Variants in MYT1 observed in about 807,000 individuals in gnomAD.
MYT1 encodes the protein myelin transcription factor 1.
In MYT1, 23 loss-of-function variants were observed where a neutral mutation model predicts 123.0. The observed-to-expected ratio is 0.19, with a 90% CI of 0.13 to 0.26. MYT1 has a LOEUF of 0.26. Among genes scored for constraint, MYT1 ranks in the 10% least tolerant of loss-of-function variants. The pLI is 1.00. For synonymous variants in MYT1, 518 were observed against 575.3 expected, an observed-to-expected ratio of 0.90 and a Z score of 1.43; for missense variants, 1,125 against 1,472.5, an observed-to-expected ratio of 0.76 and a Z score of 3.86.
At position 64,240,500 on chromosome 20, in the gene MYT1, G is replaced by T; in HGVS notation, c.*52G>T. 6.3e-7 allele frequency: 1 copy of T among 1,579,522 alleles called. No individual in the cohort carries two copies. Among genetic ancestry groups the T allele is most frequent in the East Asian group, 2.3e-5 (1 of 44,330 alleles). On this transcript the variant is annotated 3_prime_UTR_variant, in exon 23 of 23. Transcript: ENST00000328439. Reference sequence around the variant, plus strand: ...GCCCACCACACCGTTTACCTCCCTCGCCCTGCCCCGCACCGTGGGGATGCC... The same window carrying T: ...GCCCACCACACCGTTTACCTCCCTCTCCCTGCCCCGCACCGTGGGGATGCC...
chr20:64,201,951 CGTGT>C (rs1568708114), intron 4 of MYT1, among the ~76,000 whole-genome samples: 7 of 113,956 alleles, frequency 6.1e-5, no homozygotes, highest in African/African-American at 2.5e-4. Flanking sequence ...GGAACCTCTG[CGTGT>C]CGGGAACCCC....
At position 64,186,816 on chromosome 20, in the gene MYT1, C is replaced by G. The variant is rs1342312107; in HGVS notation, c.-98-3247C>G. On this transcript the variant is annotated intron_variant, in intron 1 of 22. Transcript: ENST00000328439. This position sits in a 1 kb window ranked among gnomAD's most constrained non-coding sequence, Gnocchi z 4.3. ...TGGAGACTTTTCCTGTAGCCTGTGG[C>G]CCCGGCATCCACGTTTCCGTGGAGA... Among the ~76,000 whole-genome samples, 4 of 151,100 alleles carry G rather than the reference C, an allele frequency of 2.6e-5. No homozygotes were observed. The South Asian group carries it at 6.3e-4, about 24-fold the overall frequency.
chr20:64,227,975 C>A lies in MYT1; in HGVS notation c.2675+4C>A, dbSNP rs780792496. 1 of 1,613,736 alleles carries A rather than the reference C, an allele frequency of 6.2e-7. No homozygotes were observed. Among genetic ancestry groups the A allele is most frequent in the African/African-American group, 1.3e-5 (1 of 75,048 alleles). ...AGGAGGACCCCGAGCTGATGAAGTA[C>A]GTTGGGCCATGCTGGCTCTTTCATT... On this transcript the variant is annotated splice_donor_region_variant and intron_variant, in intron 18 of 22. Transcript: ENST00000328439.
chr20:64,198,282 G>T (rs1398812321), intron 2 of MYT1, among the ~76,000 whole-genome samples: 1 of 90,618 alleles, frequency 1.1e-5, no homozygotes, highest in Non-Finnish European at 1.9e-5. Context: ...GCGAGACTCC[G>T]TCTCAAAAAA....
intron 18 of MYT1, among the ~76,000 whole-genome samples, chr20:64,229,220 C>T (rs1210817938): frequency 6.6e-6 from 1 of 152,184 alleles, no homozygotes; most frequent in Non-Finnish European, 1.5e-5. Flanking sequence ...GAAGGTCGCA[C>T]ACTAAATGCT....
intron 4 of MYT1, among the ~76,000 whole-genome samples, chr20:64,201,883 C>A (rs1983314501): frequency 6.9e-6 from 1 of 144,570 alleles, no homozygotes; most frequent in Non-Finnish European, 1.5e-5. Flanking sequence ...CACAGAGTCA[C>A]CTGTCGGGAA....
Position 64,236,655 on chromosome 20 carries a change from G to GGCTT in MYT1, c.2989+10_2989+13dup. 2 of 1,611,824 alleles carry GGCTT rather than the reference G, an allele frequency of 1.2e-6. No homozygotes were observed. Among genetic ancestry groups the GGCTT allele is most frequent in the Non-Finnish European group, 1.7e-6 (2 of 1,178,122 alleles). On this transcript the variant is annotated intron_variant, in intron 20 of 22. Coordinates refer to ENST00000328439, the MANE Select transcript of MYT1 (RefSeq NM_004535.3). The stretch of plus-strand genomic sequence containing the variant: ...GTTCAAGACTAGCGACGGTAAGGAT[G>GGCTT]GCTTCCTGGATTTCCCTGCTCATGG...
Position 64,227,474 on chromosome 20 carries a change from G to C in MYT1, c.2588G>C (p.Arg863Pro). 6.2e-7 allele frequency: 1 copy of C among 1,611,940 alleles called. No homozygotes were observed. Among genetic ancestry groups the C allele is most frequent in the Non-Finnish European group, 8.5e-7 (1 of 1,179,366 alleles). ...ATCACAGGGAACTACGCTTCACACCGGAGGTGAGCCTGCCACACCCTCAGG... is the reference window on the plus strand; with the variant it reads ...ATCACAGGGAACTACGCTTCACACCCGAGGTGAGCCTGCCACACCCTCAGG... Reference protein sequence around the residue: ...GHITGNYASHRSLSGCPRAKK... With the variant: ...GHITGNYASHPSLSGCPRAKK... Residue 863 changes from arginine to proline, a missense_variant, in exon 17 of 23, where the codon CGG (arginine) becomes CCG (proline). Transcript: ENST00000328439.
chr20:64,172,863 C>T (rs938547797), intron 1 of MYT1, among the ~76,000 whole-genome samples: 3 of 150,712 alleles, frequency 2.0e-5, no homozygotes, highest in African/African-American at 2.4e-5. Flanking sequence ...TCTCCTGCCT[C>T]GGCCTCCTGC....
At chr20:64,209,554 C>T (rs994723899) in intron 7 of MYT1, among the ~76,000 whole-genome samples, 2 of 152,122 alleles carry the variant, frequency 1.3e-5, no homozygotes, top group Non-Finnish European at 1.5e-5. Flanking sequence ...CAATGAGTGC[C>T]CCCAGGAAGA....
Position 64,205,703 on chromosome 20 carries a change from G to A in MYT1, c.300G>A (p.Lys100=), listed in dbSNP as rs2145715015. ...ACGGCAGTGAGGACACTGAGGTGAA[G>A]GACGCCTCTGTTTCGGATGAATCGG... ...DSDGSEDTEV[K]DASVSDESEG... is the part of the protein sequence containing the mutation. The change falls in exon 6 of 23, where the codon AAG becomes AAA. Residue 100 remains lysine (K), a synonymous_variant. Coordinates refer to ENST00000328439, the MANE Select transcript of MYT1 (RefSeq NM_004535.3). 1.9e-6 allele frequency: 3 copies of A among 1,614,214 alleles called. No homozygotes were observed. The highest frequency in any genetic ancestry group is 2.5e-6 in the Non-Finnish European group (3 of 1,180,022).
chr20:64,184,666 AAAC>A (rs1193076018), intron 1 of MYT1, among the ~76,000 whole-genome samples: 2 of 152,264 alleles, frequency 1.3e-5, no homozygotes, highest in African/African-American at 4.8e-5. Flanking sequence ...AAACAGAACA[AAAC>A]AACACAGCCA....
At chr20:64,179,989 TACAC>T (rs972756426) in intron 1 of MYT1, among the ~76,000 whole-genome samples, 27 of 147,790 alleles carry the variant, frequency 1.8e-4, no homozygotes, top group African/African-American at 6.3e-4. Flanking sequence ...TACACACAGT[TACAC>T]ACATACGCCA....
rs146131336 is a variant in MYT1 at position 64,227,605 on chromosome 20, G to A, written c.2591+128G>A. 2.0e-5 allele frequency: 19 copies of A among 935,548 alleles called. No homozygotes were observed. In the African/African-American group the frequency reaches 3.0e-4, roughly 15 times the overall value. 58.0% of individuals were successfully genotyped at this position (935,548 alleles called of 1,614,324 possible). A position where few individuals can be genotyped will look rare whatever the true frequency, so the allele number is the denominator to read the frequency against. The stretch of plus-strand genomic sequence containing the variant: ...CATTCCCATCTCTTTAATCTGAATT[G>A]TTGCCATTTCCAGAACCTGATTAAG... On this transcript the variant is annotated intron_variant, in intron 17 of 22. Coordinates refer to ENST00000328439, the MANE Select transcript of MYT1 (RefSeq NM_004535.3).
Position 64,202,083 on chromosome 20 carries a change from T to C in MYT1, c.86+2161T>C, listed in dbSNP as rs1722455153. ...TCGGGAACCCCTGTGTGCAGGACTT[T>C]CTCTGTGGATGACTTAACACTGCAT... On this transcript the variant is annotated intron_variant, in intron 4 of 22. Coordinates refer to ENST00000328439, the MANE Select transcript of MYT1 (RefSeq NM_004535.3). This position sits in a 1 kb window ranked among gnomAD's most constrained non-coding sequence, Gnocchi z 5.0. Among the ~76,000 whole-genome samples the C allele has an allele frequency of 1.5e-5, 2 of 136,030 alleles. No individual in the cohort carries two copies. Among genetic ancestry groups the C allele is most frequent in the African/African-American group, 5.7e-5 (2 of 35,364 alleles). 89.2% of individuals were successfully genotyped at this position (136,030 alleles called of 152,430 possible). A position where few individuals can be genotyped will look rare whatever the true frequency, so the allele number is the denominator to read the frequency against.
chr20:64,223,532 TG>T (rs1397421961), intron 16 of MYT1, among the ~76,000 whole-genome samples, 173 bp downstream of exon 16: 4 of 152,204 alleles, frequency 2.6e-5, no homozygotes, highest in African/African-American at 7.2e-5. Flanking sequence ...TCTGCTTGGC[TG>T]GGGCTGCTCT....
At chr20:64,215,593 T>C (rs1489322843) in intron 10 of MYT1, among the ~76,000 whole-genome samples, 1 of 152,004 alleles carries the variant, frequency 6.6e-6, no homozygotes, top group Non-Finnish European at 1.5e-5. Context: ...ATTATTATTA[T>C]TATTTTTAGT....
rs1430177482 is a variant in MYT1, at chr20:64,212,206, CCG to C, written c.1517+69_1517+70del. ...GCCGTGGTGGGGGCCAGGGTGGGGGCCGTGGTGGGGGCCAGGGTGGGGGCCGT... is the reference window on the plus strand; with the variant it reads ...GCCGTGGTGGGGGCCAGGGTGGGGGCTGGTGGGGGCCAGGGTGGGGGCCGT... On this transcript the variant is annotated intron_variant, in intron 9 of 22. Coordinates refer to ENST00000328439, the MANE Select transcript of MYT1 (RefSeq NM_004535.3). This position sits in a 1 kb window ranked among gnomAD's most constrained non-coding sequence, Gnocchi z 6.8. The C allele has an allele frequency of 1.6e-3, 97 of 58,942 alleles. 3 individuals carry two copies. The highest frequency in any genetic ancestry group is 0.011 in the African/African-American group (82 of 7,322). The allele number at this position is 58,942 out of a possible 1,614,324, so 3.7% of individuals were successfully genotyped here.
intron 11 of MYT1, 51 bp downstream of exon 11, chr20:64,217,332 G>T (rs1271405763): frequency 6.3e-7 from 1 of 1,595,330 alleles, no homozygotes. Flanking sequence ...CTCCTGGGAG[G>T]GGCAGGATTC....
Sources: gnomAD v4.1 joint callset for allele counts (sites outside exome capture counted in the v4.1 genomes callset) on GRCh38, gnomAD v4.1.1 for gene constraint, Gnocchi (gnomAD v3.1) non-coding constraint, MANE v1.5 for transcripts, NCBI Gene and HGNC (gene_info 2026-07-23, HGNC 2026-07-21) for gene names.